PDE6A: variants seen among roughly 807,000 people sequenced by gnomAD.
PDE6A encodes the protein rod cGMP-specific 3',5'-cyclic phosphodiesterase subunit alpha.
In PDE6A, 84 loss-of-function variants were observed where a neutral mutation model predicts 106.3. The observed-to-expected ratio is 0.79, with a 90% CI of 0.66 to 0.95. The LOEUF (loss-of-function observed/expected upper bound fraction) is 0.95, where lower values mean the gene tolerates loss of function less well. PDE6A is among the 40% of genes least tolerant of loss of function. The pLI, the probability that PDE6A is intolerant of heterozygous loss-of-function variation, is 0.00. For missense variants in PDE6A, 1,052 were observed against 1,084.9 expected (o/e 0.97, Z 0.43); for synonymous variants, 394 against 386.6 (o/e 1.02, Z -0.23).
At chr5:149,899,558 G>A in intron 8 of PDE6A, 34 bp from the exon 9 acceptor site, 3 of 1,609,620 alleles carry the variant, frequency 1.9e-6, no homozygotes, top group Non-Finnish European at 2.6e-6. Flanking sequence ...GTTTCCTCTT[G>A]TTTCAGGCCA....
chr5:149,876,504 G>C (rs1007249116), intron 17 of PDE6A, among the ~76,000 whole-genome samples: 3 of 151,768 alleles, frequency 2.0e-5, no homozygotes, highest in Admixed American at 2.0e-4. Flanking sequence ...CACCGTACCT[G>C]GATAATTTAA....
At chr5:149,910,209 TTAA>T (rs1611073) in intron 6 of PDE6A, among the ~76,000 whole-genome samples, 119,873 of 151,690 alleles carry the variant, frequency 0.79, 47,819 homozygotes, top group African/African-American at 0.86. Context: ...TTCTATGATA[TTAA>T]TAACATGGTT....
chr5:149,915,982 T>C (rs1384084090), intron 5 of PDE6A, among the ~76,000 whole-genome samples: 1 of 152,190 alleles, frequency 6.6e-6, no homozygotes, highest in Non-Finnish European at 1.5e-5. Flanking sequence ...ATTTCTCTTT[T>C]TTCTTTTAAA....
At chr5:149,864,348 C>A (rs1371331051) in intron 20 of PDE6A, among the ~76,000 whole-genome samples, 1 of 152,008 alleles carries the variant, frequency 6.6e-6, no homozygotes, top group African/African-American at 2.4e-5. Context: ...AAGTGATTCT[C>A]CTGCCTCAGC....
chr5:149,883,439 C>T lies in PDE6A; in HGVS notation c.2125G>A (p.Glu709Lys), dbSNP rs148637474. 2.7e-4 allele frequency: 440 copies of T among 1,611,100 alleles called. 1 individual carries two copies. Among genetic ancestry groups the T allele is most frequent in the Middle Eastern group, 1.3e-3 (8 of 6,056 alleles). Residue 709 changes from glutamate to lysine, a missense_variant, in exon 17 of 22, where the codon GAA becomes AAA. This residue lies in a region of PDE6A where 913 missense variants were observed against 915.2 expected (regional missense o/e 1.00). Coordinates refer to ENST00000255266, the MANE Select transcript of PDE6A (RefSeq NM_000440.3). ...QYMMLEQTRK[E>K]IVMAMMMTAC... ...CCCATCCCAACTCACATAACGATTT[C>T]CTTCCGTGTCTGCTCCAGCATCATG...
intron 3 of PDE6A, chr5:149,932,166 A>G: frequency 8.1e-7 from 1 of 1,232,574 alleles, no homozygotes; most frequent in Non-Finnish European, 1.2e-6. Context: ...AGCTGCATCT[A>G]CAACAGTCAG....
At chr5:149,865,171 T>G (rs1037040974) in intron 20 of PDE6A, among the ~76,000 whole-genome samples, 5 of 145,672 alleles carry the variant, frequency 3.4e-5, no homozygotes, top group Non-Finnish European at 5.9e-5. Flanking sequence ...ACCTGGGAGG[T>G]AGAGGTTGCA....
At chr5:149,926,979 CAAAAA>C (rs539891462) in intron 4 of PDE6A, among the ~76,000 whole-genome samples, 1 of 70,444 alleles carries the variant, frequency 1.4e-5, no homozygotes. Context: ...ACTCCGTCTC[CAAAAA>C]AAAAAAAAAA....
At chr5:149,865,866 C>A (rs958680145) in intron 20 of PDE6A, among the ~76,000 whole-genome samples, 1 of 152,216 alleles carries the variant, frequency 6.6e-6, no homozygotes, top group African/African-American at 2.4e-5. Context: ...ATGTTTCCAC[C>A]AGCTAGGGAA....
chr5:149,932,457 C>A (rs1265484872), intron 3 of PDE6A: 1 of 1,408,364 alleles, frequency 7.1e-7, no homozygotes, highest in Admixed American at 1.7e-5. Context: ...ATCTGCTGGT[C>A]TTGAAAATGA....
chr5:149,880,989 G>A (rs532482216), intron 17 of PDE6A, among the ~76,000 whole-genome samples: 2 of 152,294 alleles, frequency 1.3e-5, no homozygotes, highest in South Asian at 4.1e-4. Context: ...CTTGAACCCA[G>A]GAGGTGCAGG....
At chr5:149,920,452 G>A (rs1029449952) in intron 5 of PDE6A, among the ~76,000 whole-genome samples, 1 of 152,118 alleles carries the variant, frequency 6.6e-6, no homozygotes, top group Non-Finnish European at 1.5e-5. Flanking sequence ...ATGGTGGCAG[G>A]TGCCTGTAAT....
intron 7 of PDE6A, 96 bp downstream of exon 7, chr5:149,907,216 G>C (rs1753225339): frequency 6.3e-6 from 6 of 948,094 alleles, no homozygotes; most frequent in Non-Finnish European, 8.7e-6. Flanking sequence ...ATCCACACTT[G>C]CCATCATCTT....
chr5:149,863,218 T>C lies in PDE6A; in HGVS notation c.2407A>G (p.Thr803Ala), dbSNP rs764575487. 4.3e-6 allele frequency: 7 copies of C among 1,613,970 alleles called. No homozygotes were observed. Among genetic ancestry groups the C allele is most frequent in the South Asian group, 1.1e-5 (1 of 91,088 alleles). ...GCCTTCCACTCCTTGCGATTGTTGG[T>C]GATCCCGTCCAACATTGGGGTGATC... is the stretch of plus-strand genomic sequence containing the variant. The part of the protein sequence containing the change: ...EEITPMLDGI[T>A]NNRKEWKALA... The change falls in exon 21 of 22, where the codon ACC becomes GCC. Residue 803 changes from threonine (T) to alanine (A), a missense_variant. Transcript: ENST00000255266. The surrounding 1 kb of genome is among the most constrained non-coding windows in gnomAD (Gnocchi z 4.7).
intron 2 of PDE6A, among the ~76,000 whole-genome samples, chr5:149,934,246 A>G (rs1754124863): frequency 6.6e-6 from 1 of 152,284 alleles, no homozygotes; most frequent in African/African-American, 2.4e-5. Context: ...GCTACTATTT[A>G]TTAATAAGTT....
At chr5:149,934,837 G>A (rs889502144) in intron 1 of PDE6A, 119 bp from the exon 2 acceptor site, 3 of 942,782 alleles carry the variant, frequency 3.2e-6, no homozygotes, top group Non-Finnish European at 5.1e-6. Context: ...TTCAACAGGG[G>A]CAGGGAAATC....
intron 6 of PDE6A, among the ~76,000 whole-genome samples, chr5:149,908,115 G>A (rs1380946304): frequency 1.3e-5 from 2 of 152,144 alleles, no homozygotes; most frequent in Admixed American, 6.5e-5. Flanking sequence ...AACTCATTTA[G>A]ATGGCACTGT....
At chr5:149,877,872 A>C (rs1334547640) in intron 17 of PDE6A, among the ~76,000 whole-genome samples, 3 of 151,916 alleles carry the variant, frequency 2.0e-5, no homozygotes, top group Non-Finnish European at 4.4e-5. Flanking sequence ...GGAGGGGCCG[A>C]CTCTTCACAT....
intron 4 of PDE6A, 30 bp from the exon 5 acceptor site, chr5:149,921,739 T>C (rs886517684): frequency 1.3e-6 from 2 of 1,566,160 alleles, no homozygotes; most frequent in African/African-American, 2.7e-5. Context: ...TAATTACATG[T>C]TTTGAAAAGA....
Sources: gnomAD v4.1 joint callset for allele counts (sites outside exome capture counted in the v4.1 genomes callset) on GRCh38, gnomAD v4.1.1 for gene constraint, gnomAD v4.1.1 regional missense constraint, Gnocchi (gnomAD v3.1) non-coding constraint, MANE v1.5 for transcripts, NCBI Gene and HGNC (gene_info 2026-07-23, HGNC 2026-07-21) for gene names.